RSRC1: variants seen among roughly 807,000 people sequenced by gnomAD.
The protein encoded by RSRC1 is serine/Arginine-related protein 53.
Under a neutral mutation model 49.1 loss-of-function variants are expected in RSRC1, and 39 were observed. The ratio of observed to expected loss-of-function variants is 0.79; its 90% CI spans 0.61 to 1.04. The LOEUF (loss-of-function observed/expected upper bound fraction) is 1.04, where lower values mean the gene tolerates loss of function less well. Ranked by LOEUF, RSRC1 falls within the 50% of genes least tolerant of loss-of-function variation. The pLI is 0.00. For missense variants in RSRC1, 388 were observed against 402.4 expected (o/e 0.96, Z 0.31); for synonymous variants, 143 against 130.8 (o/e 1.09, Z -0.63).
At chr3:158,513,558 G>T (rs1740310406) in intron 7 of RSRC1, among the ~76,000 whole-genome samples, 1 of 152,148 alleles carries the variant, frequency 6.6e-6, no homozygotes, top group Non-Finnish European at 1.5e-5. Context: ...GTTCATCAAG[G>T]ATATTGGCCT....
intron 1 of RSRC1, among the ~76,000 whole-genome samples, chr3:158,113,645 G>A (rs1214530269): frequency 6.6e-6 from 1 of 152,110 alleles, no homozygotes; most frequent in Non-Finnish European, 1.5e-5. Context: ...AGGATTACAG[G>A]TGTGAGCCAC....
chr3:158,483,784 T>C (rs770565059), intron 7 of RSRC1, among the ~76,000 whole-genome samples: 1 of 152,112 alleles, frequency 6.6e-6, no homozygotes, highest in Non-Finnish European at 1.5e-5. Context: ...CAGTCTTGAA[T>C]TTGCATTTTT....
At chr3:158,351,268 A>G (rs1436015685) in intron 5 of RSRC1, among the ~76,000 whole-genome samples, 2 of 152,190 alleles carry the variant, frequency 1.3e-5, no homozygotes, top group Non-Finnish European at 2.9e-5. Flanking sequence ...CAGGTCACTG[A>G]GAGGAAAAAG....
intron 7 of RSRC1, among the ~76,000 whole-genome samples, chr3:158,500,734 G>C (rs147053186): frequency 1.2e-3 from 188 of 152,018 alleles, no homozygotes; most frequent in African/African-American, 4.1e-3. Flanking sequence ...TTCTTAATGA[G>C]GTTATTTGGA....
At chr3:158,310,718 A>G (rs778191957) in intron 5 of RSRC1, among the ~76,000 whole-genome samples, 6 of 151,814 alleles carry the variant, frequency 4.0e-5, no homozygotes, top group Non-Finnish European at 4.4e-5. Context: ...CCTGATTTCC[A>G]TTTAAAGAAT....
intron 6 of RSRC1, among the ~76,000 whole-genome samples, chr3:158,456,312 T>TG (rs1737315027): frequency 1.3e-5 from 2 of 150,230 alleles, no homozygotes; most frequent in Non-Finnish European, 3.0e-5. Context: ...CGTGAGGGTT[T>TG]TTTTTTTTTT....
chr3:158,496,519 C>G (rs1242669636), intron 7 of RSRC1: 2 of 153,030 alleles, frequency 1.3e-5, no homozygotes, highest in East Asian at 1.9e-4. Flanking sequence ...ACTGAGATAG[C>G]CTGAGTCTTC....
intron 4 of RSRC1, among the ~76,000 whole-genome samples, chr3:158,264,514 A>G (rs1420624697): frequency 2.0e-5 from 3 of 152,166 alleles, no homozygotes; most frequent in East Asian, 1.9e-4. Flanking sequence ...CTAAGTGTCA[A>G]TTGGGTCACG....
chr3:158,200,193 A>G (rs2108275598), intron 3 of RSRC1, among the ~76,000 whole-genome samples: 1 of 152,148 alleles, frequency 6.6e-6, no homozygotes, highest in Non-Finnish European at 1.5e-5. Flanking sequence ...ATCCGCCACC[A>G]TGCCCAGCTA....
At chr3:158,276,200 T>C (rs1725802236) in intron 4 of RSRC1, 4 of 813,676 alleles carry the variant, frequency 4.9e-6, no homozygotes, top group Non-Finnish European at 6.5e-6. Flanking sequence ...CCTTAGGAAC[T>C]GGGCATTTTC....
intron 7 of RSRC1, among the ~76,000 whole-genome samples, chr3:158,481,982 G>A (rs1464092770): frequency 6.6e-6 from 1 of 151,870 alleles, no homozygotes; most frequent in Non-Finnish European, 1.5e-5. Flanking sequence ...GATTCCGTAA[G>A]GAATCCTAAA....
chr3:158,248,233 GTT>G (rs1724010707), intron 4 of RSRC1, among the ~76,000 whole-genome samples: 1 of 152,144 alleles, frequency 6.6e-6, no homozygotes. Flanking sequence ...CTGCAAAATA[GTT>G]TTCTAAAGGC....
At chr3:158,339,582 G>A (rs1252681419) in intron 5 of RSRC1, among the ~76,000 whole-genome samples, 1 of 152,118 alleles carries the variant, frequency 6.6e-6, no homozygotes, top group African/African-American at 2.4e-5. Flanking sequence ...CTTTGAGTTG[G>A]ATGAATCCTT....
intron 6 of RSRC1, among the ~76,000 whole-genome samples, chr3:158,410,820 A>G (rs1389812858): frequency 6.6e-6 from 1 of 152,106 alleles, no homozygotes; most frequent in African/African-American, 2.4e-5. Flanking sequence ...CAGTATTATA[A>G]TAGAATATAT....
At chr3:158,116,194 A>G (rs1714805056) in intron 1 of RSRC1, among the ~76,000 whole-genome samples, 1 of 152,186 alleles carries the variant, frequency 6.6e-6, no homozygotes, top group Admixed American at 6.5e-5. Context: ...TTTTGCTTGC[A>G]AGCTTGAATT....
At chr3:158,275,423 C>T (rs1228776272) in intron 4 of RSRC1, among the ~76,000 whole-genome samples, 1 of 152,136 alleles carries the variant, frequency 6.6e-6, no homozygotes, top group African/African-American at 2.4e-5. Context: ...ATGAAAAACC[C>T]AGCTACTTGA....
chr3:158,426,442 G>A (rs895687914), intron 6 of RSRC1, among the ~76,000 whole-genome samples: 18 of 151,560 alleles, frequency 1.2e-4, no homozygotes, highest in Non-Finnish European at 1.8e-4. Flanking sequence ...CTAGTGGTCA[G>A]TTTTTAAGGA....
At chr3:158,372,974 G>C (rs1358277924) in intron 6 of RSRC1, among the ~76,000 whole-genome samples, 1 of 151,604 alleles carries the variant, frequency 6.6e-6, no homozygotes, top group African/African-American at 2.4e-5. Context: ...GTAAGTTTTT[G>C]TTTAAGTTTT....
At chr3:158,398,646 A>T (rs527628805) in intron 6 of RSRC1, among the ~76,000 whole-genome samples, 1 of 152,162 alleles carries the variant, frequency 6.6e-6, no homozygotes, top group Non-Finnish European at 1.5e-5. Context: ...CAAAGGATGG[A>T]TTATAAAATG....
Sources: gnomAD v4.1 joint callset for allele counts (sites outside exome capture counted in the v4.1 genomes callset) on GRCh38, gnomAD v4.1.1 for gene constraint, MANE v1.5 for transcripts, NCBI Gene and HGNC (gene_info 2026-07-23, HGNC 2026-07-21) for gene names.